The following SLC44A5 variants were observed in gnomAD, a reference collection of about 807,000 sequenced individuals.
The protein encoded by SLC44A5 is solute carrier family 44 member 5.
Under a neutral mutation model 101.8 loss-of-function variants are expected in SLC44A5, and 57 were observed. The ratio of observed to expected loss-of-function variants is 0.56; its 90% CI spans 0.45 to 0.70. The LOEUF is 0.70. Ranked by LOEUF, SLC44A5 falls within the 30% of genes least tolerant of loss-of-function variation. The pLI, the probability that SLC44A5 is intolerant of heterozygous loss-of-function variation, is 0.00. For synonymous variants in SLC44A5, 281 were observed against 290.9 expected, an observed-to-expected ratio of 0.97 and a Z score of 0.35; for missense variants, 737 against 853.1, an observed-to-expected ratio of 0.86 and a Z score of 1.70.
the SLC44A5 span, among the ~76,000 whole-genome samples, chr1:75,692,852 G>A: frequency 1.3e-5 from 2 of 152,148 alleles, no homozygotes; most frequent in Non-Finnish European, 2.9e-5. Context: ...TTTGAAATGA[G>A]ACCAGTCAGT....
intron 12 of SLC44A5, among the ~76,000 whole-genome samples, chr1:75,233,696 AAAAG>A (rs1179270644): frequency 4.6e-5 from 7 of 152,274 alleles, no homozygotes; most frequent in African/African-American, 1.7e-4. Flanking sequence ...TCATTAATCT[AAAAG>A]GATTTCTTTT....
intron 1 of SLC44A5, among the ~76,000 whole-genome samples, chr1:75,605,874 G>T (rs540621996): frequency 6.6e-6 from 1 of 152,102 alleles, no homozygotes; most frequent in African/African-American, 2.4e-5. Flanking sequence ...TGGAAGAAAG[G>T]AAAGATGATA....
intron 1 of SLC44A5, among the ~76,000 whole-genome samples, chr1:75,567,161 T>C (rs1331060994): frequency 7.1e-6 from 1 of 141,768 alleles, no homozygotes; most frequent in African/African-American, 3.2e-5. Context: ...CCATACTGCT[T>C]CTGCAGGTGT....
chr1:75,513,595 A>C (rs915152737), intron 2 of SLC44A5, among the ~76,000 whole-genome samples: 2 of 152,186 alleles, frequency 1.3e-5, no homozygotes, highest in African/African-American at 4.8e-5. Flanking sequence ...TTTACATCTA[A>C]AACAACTCTA....
intron 3 of SLC44A5, among the ~76,000 whole-genome samples, chr1:75,344,743 C>A (rs1430523017): frequency 6.6e-6 from 1 of 152,102 alleles, no homozygotes; most frequent in East Asian, 1.9e-4. Context: ...TCCTGCTAAT[C>A]CCTTGATTTT....
the SLC44A5 span, among the ~76,000 whole-genome samples, chr1:75,655,494 A>T: frequency 2.0e-5 from 3 of 152,164 alleles, no homozygotes; most frequent in African/African-American, 7.2e-5. Context: ...CATCCAGGCC[A>T]TAGTAACTGT....
chr1:75,324,209 A>T (rs1423461236), intron 4 of SLC44A5, among the ~76,000 whole-genome samples: 2 of 152,218 alleles, frequency 1.3e-5, no homozygotes, highest in African/African-American at 2.4e-5. Context: ...ATTAGTTGTT[A>T]TATGAGAACT....
chr1:75,203,691 G>T lies in SLC44A5; in HGVS notation c.*36C>A, dbSNP rs1329071524. The T allele has an allele frequency of 3.9e-6, 6 of 1,530,086 alleles. No homozygotes were observed. The highest frequency in any genetic ancestry group is 5.3e-6 in the Non-Finnish European group (6 of 1,137,580). 94.8% of individuals were successfully genotyped at this position (1,530,086 alleles called of 1,614,324 possible). On this transcript the variant is annotated 3_prime_UTR_variant, in exon 24 of 24. Transcript: ENST00000370859. ...GCACAGACACAGCAGATGGAGAAAA[G>T]GTAACACACAGCTGTAGGACGACCA... is the stretch of plus-strand genomic sequence containing the variant.
the SLC44A5 span, among the ~76,000 whole-genome samples, chr1:75,676,561 G>T: frequency 6.6e-6 from 1 of 152,216 alleles, no homozygotes; most frequent in Non-Finnish European, 1.5e-5. Context: ...TGTTGGAAGG[G>T]GGAGCATTAG....
chr1:75,352,868 A>T (rs1186331122), intron 3 of SLC44A5, among the ~76,000 whole-genome samples: 1 of 152,222 alleles, frequency 6.6e-6, no homozygotes, highest in East Asian at 1.9e-4. Flanking sequence ...TTTGAAAAGT[A>T]GAGAAGACAA....
chr1:75,656,899 A>T, the SLC44A5 span, among the ~76,000 whole-genome samples: 1 of 152,234 alleles, frequency 6.6e-6, no homozygotes, highest in African/African-American at 2.4e-5. Flanking sequence ...CTGTAATCCC[A>T]GCACTTTGGG....
chr1:75,662,828 G>A, the SLC44A5 span, among the ~76,000 whole-genome samples: 2 of 151,994 alleles, frequency 1.3e-5, no homozygotes, highest in Non-Finnish European at 2.9e-5. Flanking sequence ...TGGCCCTTCA[G>A]TGCTTACCAT....
chr1:75,493,128 C>G lies in SLC44A5; in HGVS notation c.13+48307G>C, dbSNP rs142145862. The stretch of plus-strand genomic sequence containing the variant: ...TATGGAATCATCTAGTTCCCTGATT[C>G]CAGACACATTCAGCGTCATGTTTGC... On this transcript the variant is annotated intron_variant, in intron 2 of 23. Coordinates refer to ENST00000370859, the MANE Select transcript of SLC44A5 (RefSeq NM_001130058.2). 5.1e-3 allele frequency among the ~76,000 whole-genome samples: 774 copies of G among 152,232 alleles called. 8 individuals are homozygous for G. Among genetic ancestry groups the G allele is most frequent in the African/African-American group, 0.018 (742 of 41,536 alleles).
intron 2 of SLC44A5, among the ~76,000 whole-genome samples, chr1:75,443,916 T>C (rs560571267): frequency 6.6e-6 from 1 of 152,216 alleles, no homozygotes; most frequent in South Asian, 2.1e-4. Flanking sequence ...ATTTTCACAG[T>C]AAATGATTTT....
intron 1 of SLC44A5, among the ~76,000 whole-genome samples, chr1:75,590,552 G>A (rs1163340242): frequency 6.6e-6 from 1 of 152,068 alleles, no homozygotes; most frequent in Admixed American, 6.5e-5. Flanking sequence ...AACCTGCCCT[G>A]GGGCAGAGAG....
intron 2 of SLC44A5, among the ~76,000 whole-genome samples, chr1:75,408,788 C>T (rs1380010323): frequency 6.6e-6 from 1 of 152,068 alleles, no homozygotes; most frequent in Non-Finnish European, 1.5e-5. Flanking sequence ...AGCAAACCAC[C>T]ATGGCACATG....
chr1:75,702,736 G>A, the SLC44A5 span, among the ~76,000 whole-genome samples: 8 of 152,056 alleles, frequency 5.3e-5, no homozygotes, highest in Non-Finnish European at 8.8e-5. Flanking sequence ...TACAGAATGG[G>A]AGAAAATTTT....
chr1:75,476,608 C>A lies in SLC44A5; in HGVS notation c.13+64827G>T, dbSNP rs544231640. ...TGCACCAGGAGATTATATCCCACAC[C>A]TGGCTCGGAGGGTCCTACGCCCACG... is the stretch of plus-strand genomic sequence containing the variant. On this transcript the variant is annotated intron_variant, in intron 2 of 23. Coordinates refer to ENST00000370859, the MANE Select transcript of SLC44A5 (RefSeq NM_001130058.2). Among the ~76,000 whole-genome samples, 392 of 152,378 alleles carry A rather than the reference C, an allele frequency of 2.6e-3. 1 individual carries two copies. The highest frequency in any genetic ancestry group is 4.6e-3 in the Non-Finnish European group (311 of 68,038).
chr1:75,472,830 A>G (rs1667182526), intron 2 of SLC44A5, among the ~76,000 whole-genome samples: 1 of 152,062 alleles, frequency 6.6e-6, no homozygotes. Flanking sequence ...CACAAGTCCT[A>G]TAATGTTTTG....
Sources: allele counts gnomAD v4.1 joint callset (sites outside exome capture counted in the v4.1 genomes callset), GRCh38; gene constraint gnomAD v4.1.1; transcripts MANE v1.5; gene names NCBI Gene and HGNC (gene_info 2026-07-23, HGNC 2026-07-21).